The following TRIM2 variants were observed in gnomAD, a reference collection of about 807,000 sequenced individuals.
The protein encoded by TRIM2 is tripartite motif-containing protein 2.
TRIM2 carries 20 observed loss-of-function variants against 75.2 expected under a neutral mutation model. That is an observed-to-expected ratio of 0.27 (90% CI 0.19 to 0.39). The LOEUF is 0.39. Among genes scored for constraint, TRIM2 ranks in the 10% least tolerant of loss-of-function variants. The pLI is 1.00. For synonymous variants in TRIM2, 373 were observed against 388.3 expected (o/e 0.96, Z 0.46); for missense variants, 660 against 990.8 (o/e 0.67, Z 4.48).
chr4:153,314,406 C>A (rs1049564635), intron 6 of TRIM2, among the ~76,000 whole-genome samples: 1 of 110,220 alleles, frequency 9.1e-6, no homozygotes, highest in Non-Finnish European at 1.6e-5. Flanking sequence ...GGCGACAGAG[C>A]GAGACTCCGT....
intron 1 of TRIM2, among the ~76,000 whole-genome samples, chr4:153,172,722 A>G (rs1731009974): frequency 6.6e-6 from 1 of 152,184 alleles, no homozygotes; most frequent in Non-Finnish European, 1.5e-5. Context: ...AACATAGAGA[A>G]TAACCAGGAT....
chr4:153,177,603 G>A (rs1731577091), intron 1 of TRIM2, among the ~76,000 whole-genome samples: 1 of 151,750 alleles, frequency 6.6e-6, no homozygotes, highest in Non-Finnish European at 1.5e-5. Flanking sequence ...CTGAGATCAT[G>A]CCACTTCACT....
At chr4:153,290,030 T>G (rs909301360) in intron 3 of TRIM2, among the ~76,000 whole-genome samples, 1 of 152,230 alleles carries the variant, frequency 6.6e-6, no homozygotes, top group Non-Finnish European at 1.5e-5. Flanking sequence ...TATTAGTAAA[T>G]GCTATTCTAG....
chr4:153,174,269 G>C (rs1331686813), intron 1 of TRIM2, among the ~76,000 whole-genome samples: 1 of 151,614 alleles, frequency 6.6e-6, no homozygotes, highest in Non-Finnish European at 1.5e-5. Flanking sequence ...TAAGAACGGT[G>C]GCCCCCCCTG....
intron 1 of TRIM2, among the ~76,000 whole-genome samples, chr4:153,167,576 G>A (rs958470517): frequency 2.6e-5 from 4 of 152,086 alleles, no homozygotes; most frequent in Admixed American, 1.3e-4. Context: ...CTTTACTCTC[G>A]CAGTCTTACC....
At chr4:153,307,515 G>A (rs1765277335) in intron 6 of TRIM2, among the ~76,000 whole-genome samples, 1 of 152,148 alleles carries the variant, frequency 6.6e-6, no homozygotes, top group African/African-American at 2.4e-5. Context: ...CAGTACACAG[G>A]AGGCAAAGTG....
intron 6 of TRIM2, among the ~76,000 whole-genome samples, chr4:153,315,156 A>G (rs112182921): frequency 1.2e-3 from 176 of 152,380 alleles, no homozygotes; most frequent in African/African-American, 3.7e-3. Flanking sequence ...TGGGAAAGCC[A>G]TGTCAGATAA....
At chr4:153,287,442 GC>G (rs1161682732) in intron 3 of TRIM2, among the ~76,000 whole-genome samples, 2 of 152,098 alleles carry the variant, frequency 1.3e-5, no homozygotes, top group African/African-American at 2.4e-5. Flanking sequence ...GAAAAGAAAG[GC>G]TTTCTTTCCT....
chr4:153,207,996 G>A (rs1292263301), intron 1 of TRIM2, among the ~76,000 whole-genome samples: 1 of 152,160 alleles, frequency 6.6e-6, no homozygotes, highest in Non-Finnish European at 1.5e-5. Flanking sequence ...CTTGTGTGTG[G>A]TTTGAAAAGT....
chr4:153,237,108 G>T (rs114332223), intron 1 of TRIM2, among the ~76,000 whole-genome samples: 1 of 152,128 alleles, frequency 6.6e-6, no homozygotes, highest in South Asian at 2.1e-4. Flanking sequence ...AGCTAGATTT[G>T]GTTGTGCTTT....
chr4:153,215,299 G>A (rs1553964915), intron 1 of TRIM2, among the ~76,000 whole-genome samples: 1 of 152,076 alleles, frequency 6.6e-6, no homozygotes, highest in Non-Finnish European at 1.5e-5. Context: ...CACCCACCAA[G>A]AATCCCTACA....
At chr4:153,242,863 GCT>G (rs1255858836) in intron 1 of TRIM2, among the ~76,000 whole-genome samples, 1 of 152,194 alleles carries the variant, frequency 6.6e-6, no homozygotes, top group African/African-American at 2.4e-5. Context: ...CACCTCCCCA[GCT>G]CTCTGTTTCT....
chr4:153,316,164 T>A (rs567342916), intron 8 of TRIM2, among the ~76,000 whole-genome samples, 165 bp downstream of exon 8: 76 of 152,330 alleles, frequency 5.0e-4, no homozygotes, highest in African/African-American at 1.8e-3. Flanking sequence ...ACAGTGATAA[T>A]TTCATAAATC....
intron 1 of TRIM2, among the ~76,000 whole-genome samples, chr4:153,163,709 C>T (rs1267629960): frequency 1.3e-5 from 2 of 151,426 alleles, no homozygotes; most frequent in Non-Finnish European, 2.9e-5. Context: ...ACCAGGTTGG[C>T]CAGGCTGGTC....
Position 153,337,653 on chromosome 4 carries a change from T to C in TRIM2, c.*2687T>C. On this transcript the variant is annotated 3_prime_UTR_variant, in exon 12 of 12. Coordinates refer to ENST00000338700, the MANE Select transcript of TRIM2 (RefSeq NM_015271.5). The stretch of plus-strand genomic sequence containing the variant: ...ATGATACAAGTAGACAAAATTTAAA[T>C]GAAATTTTGTCACATTCTATGGAAA... The C allele has an allele frequency of 6.1e-6, 6 of 985,876 alleles. No individual in the cohort carries two copies. The highest frequency in any genetic ancestry group is 7.2e-6 in the Non-Finnish European group (6 of 829,932). 61.1% of individuals were successfully genotyped at this position (985,876 alleles called of 1,614,324 possible).
intron 1 of TRIM2, chr4:153,257,725 A>T (rs1316269205): frequency 1.5e-6 from 1 of 665,360 alleles, no homozygotes; most frequent in East Asian, 6.5e-5. Flanking sequence ...GGAGGATTTA[A>T]TTCTTTGCCT....
chr4:153,247,878 A>C (rs1400588666), intron 1 of TRIM2, among the ~76,000 whole-genome samples: 1 of 152,118 alleles, frequency 6.6e-6, no homozygotes, highest in Non-Finnish European at 1.5e-5. Context: ...TCCAGGAGTA[A>C]AAAAAGTGAA....
intron 1 of TRIM2, among the ~76,000 whole-genome samples, chr4:153,161,174 C>T (rs1461071526): frequency 6.6e-6 from 1 of 152,124 alleles, no homozygotes; most frequent in South Asian, 2.1e-4. Flanking sequence ...GTTCTAAGAA[C>T]GTAATACTAA....
At chr4:153,217,351 G>A (rs964646289) in intron 1 of TRIM2, among the ~76,000 whole-genome samples, 1 of 152,006 alleles carries the variant, frequency 6.6e-6, no homozygotes, top group African/African-American at 2.4e-5. Flanking sequence ...CTCATCCATG[G>A]GTACCAGTTG....
Sources: allele counts gnomAD v4.1 joint callset (sites outside exome capture counted in the v4.1 genomes callset), GRCh38; gene constraint gnomAD v4.1.1; transcripts MANE v1.5; gene names NCBI Gene and HGNC (gene_info 2026-07-23, HGNC 2026-07-21).